HS3ST5: variants seen among roughly 807,000 people sequenced by gnomAD.
HS3ST5 encodes heparan sulfate glucosamine 3-O-sulfotransferase 5.
A neutral mutation model predicts 25.4 loss-of-function variants in HS3ST5; 10 were observed. The ratio of observed to expected loss-of-function variants is 0.39; its 90% confidence interval spans 0.24 to 0.67. The LOEUF is 0.67. HS3ST5 is among the 30% of genes least tolerant of loss of function. HS3ST5 has a pLI of 0.44. For missense variants in HS3ST5, 324 were observed against 420.7 expected, an observed-to-expected ratio of 0.77 and a Z score of 2.01; for synonymous variants, 170 against 162.4, an observed-to-expected ratio of 1.05 and a Z score of -0.36.
chr6:114,146,329 C>G (rs796909203), intron 3 of HS3ST5, among the ~76,000 whole-genome samples: 3 of 152,274 alleles, frequency 2.0e-5, no homozygotes, highest in South Asian at 2.1e-4. Flanking sequence ...GTTGGCTGAC[C>G]TAAATTGACT....
At chr6:114,182,505 C>T (rs1380262144) in intron 2 of HS3ST5, among the ~76,000 whole-genome samples, 1 of 152,096 alleles carries the variant, frequency 6.6e-6, no homozygotes, top group Non-Finnish European at 1.5e-5. Flanking sequence ...ACTAAACCTC[C>T]TGGAGGCTAA....
chr6:114,193,908 G>A (rs1780620107), intron 2 of HS3ST5, among the ~76,000 whole-genome samples: 3 of 152,146 alleles, frequency 2.0e-5, no homozygotes, highest in Admixed American at 2.0e-4. Context: ...TATTCTGAAT[G>A]ATGTCTGAAT....
intron 2 of HS3ST5, among the ~76,000 whole-genome samples, chr6:114,187,980 C>T (rs1193023512): frequency 1.3e-5 from 2 of 152,148 alleles, no homozygotes; most frequent in African/African-American, 4.8e-5. Flanking sequence ...AAAGTATGTA[C>T]ATTTTTTAGA....
At chr6:114,227,811 A>T (rs940582256) in intron 2 of HS3ST5, among the ~76,000 whole-genome samples, 3 of 152,082 alleles carry the variant, frequency 2.0e-5, no homozygotes, top group Non-Finnish European at 4.4e-5. Context: ...AGATACAATA[A>T]CCCTAAATAT....
chr6:114,084,588 A>G (rs1774683282), intron 3 of HS3ST5: 11 of 770,482 alleles, frequency 1.4e-5, no homozygotes, highest in South Asian at 1.3e-4. Flanking sequence ...CAAAGTCCAC[A>G]TAGTGCAGAG....
intron 1 of HS3ST5, among the ~76,000 whole-genome samples, chr6:114,283,728 T>C (rs1284165011): frequency 6.6e-6 from 1 of 151,976 alleles, no homozygotes; most frequent in African/African-American, 2.4e-5. Context: ...AAATTCCTAA[T>C]GAGATGTGCA....
chr6:114,178,387 A>T (rs577537524), intron 2 of HS3ST5, among the ~76,000 whole-genome samples: 1 of 152,346 alleles, frequency 6.6e-6, no homozygotes, highest in South Asian at 2.1e-4. Flanking sequence ...AAATGGCCAC[A>T]AAACAAAGCA....
intron 3 of HS3ST5, among the ~76,000 whole-genome samples, chr6:114,136,978 T>C (rs557148992): frequency 8.5e-5 from 13 of 152,348 alleles, no homozygotes; most frequent in Non-Finnish European, 8.8e-5. Context: ...CATTTTTTGA[T>C]ATTTTGCCCT....
chr6:114,238,943 T>C (rs1771980887), intron 1 of HS3ST5: 1 of 152,214 alleles, frequency 6.6e-6, no homozygotes, highest in Non-Finnish European at 1.5e-5. Context: ...TAATTATCCC[T>C]TGTGCATTTC....
chr6:114,240,966 A>C (rs918477684), intron 1 of HS3ST5, among the ~76,000 whole-genome samples: 2 of 152,186 alleles, frequency 1.3e-5, no homozygotes, highest in Admixed American at 6.5e-5. Flanking sequence ...CGAGCAAGGT[A>C]GTTTTGATAT....
intron 3 of HS3ST5, among the ~76,000 whole-genome samples, chr6:114,116,552 A>C (rs555687308): frequency 1.4e-3 from 209 of 152,268 alleles, no homozygotes; most frequent in African/African-American, 4.8e-3. Flanking sequence ...TTCTATTTTT[A>C]TAAGTTTCAG....
rs6940509 is a variant in HS3ST5 at position 114,065,873 on chromosome 6, A to G, written c.-32-2996T>C. On this transcript the variant is annotated intron_variant, in intron 3 of 4. Coordinates refer to ENST00000312719, the MANE Select transcript of HS3ST5 (RefSeq NM_153612.4). ...TATCGACCTCCTCTGCTATTTAAACATAGTGCCCACACCCTCCTGCTTAAA... is the reference window on the plus strand; with the variant it reads ...TATCGACCTCCTCTGCTATTTAAACGTAGTGCCCACACCCTCCTGCTTAAA... 3.6e-3 allele frequency among the ~76,000 whole-genome samples: 544 copies of G among 152,336 alleles called. 5 individuals are homozygous for G. Among genetic ancestry groups the G allele is most frequent in the Non-Finnish European group, 4.1e-3 (282 of 68,034 alleles).
chr6:114,317,304 A>C (rs112461635), intron 1 of HS3ST5, among the ~76,000 whole-genome samples: 359 of 152,302 alleles, frequency 2.4e-3, no homozygotes, highest in African/African-American at 6.6e-3. Context: ...ATTCTCATGT[A>C]GAAGTGCCCT....
In HS3ST5 at chr6:114,208,203, G is replaced by A. The variant is rs568884145; in HGVS notation, c.-145+20382C>T. ...AACTGGGGACACCCCAATGTTTTGT[G>A]TGGATGTGCGGGAGCTTCTGAGTGT... On this transcript the variant is annotated intron_variant, in intron 2 of 4. Transcript: ENST00000312719. Among the ~76,000 whole-genome samples the A allele has an allele frequency of 5.3e-5, 8 of 152,350 alleles. No individual in the cohort carries two copies. In the East Asian group the frequency reaches 1.5e-3, roughly 29 times the overall value.
At chr6:114,163,883 G>A (rs1029387636) in intron 3 of HS3ST5, among the ~76,000 whole-genome samples, 50 of 152,126 alleles carry the variant, frequency 3.3e-4, no homozygotes, top group African/African-American at 1.1e-3. Context: ...TTTGAATTGT[G>A]GTTCTACCAT....
intron 1 of HS3ST5, among the ~76,000 whole-genome samples, chr6:114,282,188 T>C (rs1353057811): frequency 1.3e-5 from 2 of 151,996 alleles, no homozygotes; most frequent in Non-Finnish European, 2.9e-5. Flanking sequence ...CTTTCTAAAA[T>C]GAATCACATA....
rs369497993 is a variant in HS3ST5, at chr6:114,177,373, A to G, written c.-144-8911T>C. Among the ~76,000 whole-genome samples the G allele has an allele frequency of 5.9e-5, 9 of 152,232 alleles. No individual in the cohort carries two copies. The East Asian group carries it at 1.2e-3, about 19-fold the overall frequency. On this transcript the variant is annotated intron_variant, in intron 2 of 4. Transcript: ENST00000312719. ...AATGCCACAGAATGATAATCACTCT[A>G]GTGTTCCTAAAGTCTTGACATTTTT... is the stretch of plus-strand genomic sequence containing the variant.
intron 3 of HS3ST5, among the ~76,000 whole-genome samples, chr6:114,144,763 A>T (rs1257607802): frequency 6.6e-6 from 1 of 152,220 alleles, no homozygotes; most frequent in East Asian, 1.9e-4. Flanking sequence ...GAACCATGTT[A>T]CAGTTTCCTC....
At chr6:114,185,387 C>T (rs1780172174) in intron 2 of HS3ST5, among the ~76,000 whole-genome samples, 2 of 152,120 alleles carry the variant, frequency 1.3e-5, no homozygotes, top group South Asian at 2.1e-4. Context: ...GCAAGAAGTC[C>T]AAAAACCAGG....
Sources: gnomAD v4.1 joint callset for allele counts (sites outside exome capture counted in the v4.1 genomes callset) on GRCh38, gnomAD v4.1.1 for gene constraint, MANE v1.5 for transcripts, NCBI Gene and HGNC (gene_info 2026-07-23, HGNC 2026-07-21) for gene names.